Variants in MIS18A observed in about 807,000 individuals in gnomAD.
The protein encoded by MIS18A is MIS18 kinetochore protein A.
MIS18A carries 14 observed loss-of-function variants against 25.0 expected under a neutral mutation model. That is an observed-to-expected ratio of 0.56 (90% CI 0.37 to 0.88). The LOEUF is 0.88. Ranked by LOEUF, MIS18A falls within the 40% of genes least tolerant of loss-of-function variation. The pLI is 0.00. For missense variants in MIS18A, 292 were observed against 290.8 expected, an observed-to-expected ratio of 1.00 and a Z score of -0.03; for synonymous variants, 134 against 118.6, an observed-to-expected ratio of 1.13 and a Z score of -0.84.
chr21:32,230,603 AT>A, the MIS18A span, among the ~76,000 whole-genome samples: 1 of 152,174 alleles, frequency 6.6e-6, no homozygotes, highest in Non-Finnish European at 1.5e-5. Flanking sequence ...CCCTCAACTG[AT>A]TTTCAACAAG....
chr21:32,278,852 T>A lies in MIS18A; in HGVS notation c.163A>T (p.Met55Leu). The A allele has an allele frequency of 6.2e-7, 1 of 1,611,992 alleles. No individual in the cohort carries two copies. Among genetic ancestry groups the A allele is most frequent in the Non-Finnish European group, 8.5e-7 (1 of 1,179,478 alleles). ...LQKWASMWSSMSEDASVADME... is the reference protein window; with the variant it reads ...LQKWASMWSSLSEDASVADME... ...TCGGCCACCGACGCGTCTTCGCTCA[T>A]GGAGCTCCACATGCTCGCCCACTTC... Residue 55 changes from methionine (M) to leucine (L), a missense_variant, in exon 1 of 5, where the codon ATG (methionine) becomes TTG (leucine). Physicochemically the swap from Met to Leu is conservative, Grantham distance 15. Transcript: ENST00000290130.
the MIS18A span, among the ~76,000 whole-genome samples, chr21:32,157,242 G>GTTTTTTTTTT: frequency 6.5e-4 from 10 of 15,350 alleles, no homozygotes; most frequent in Admixed American, 1.6e-3. Context: ...TTTTTTTTTG[G>GTTTTTTTTTT]TAGTTTTAGT....
At chr21:32,157,106 A>T in the MIS18A span, among the ~76,000 whole-genome samples, 2 of 136,746 alleles carry the variant, frequency 1.5e-5, no homozygotes, top group Non-Finnish European at 3.1e-5. Flanking sequence ...CCCAGGCTGG[A>T]GTGCAGTGGC....
intron 1 of MIS18A, chr21:32,278,444 T>C: frequency 3.7e-6 from 2 of 545,090 alleles, no homozygotes; most frequent in South Asian, 2.6e-5. Context: ...ATGATGCTGA[T>C]TCAACCACTG....
chr21:32,196,893 G>A, the MIS18A span, among the ~76,000 whole-genome samples: 1 of 152,136 alleles, frequency 6.6e-6, no homozygotes, highest in Non-Finnish European at 1.5e-5. Flanking sequence ...CTGTTTCTCT[G>A]GGGTGCCCTA....
chr21:32,226,789 A>C, the MIS18A span, among the ~76,000 whole-genome samples: 1 of 152,146 alleles, frequency 6.6e-6, no homozygotes. Context: ...CAGAATACAT[A>C]TTTTTCTCAA....
chr21:32,237,843 C>A, the MIS18A span, among the ~76,000 whole-genome samples: 22 of 152,044 alleles, frequency 1.4e-4, no homozygotes, highest in South Asian at 4.6e-3. Context: ...AGGAACCAAC[C>A]AGAAGTAGCT....
At chr21:32,189,172 G>T in the MIS18A span, among the ~76,000 whole-genome samples, 1 of 152,230 alleles carries the variant, frequency 6.6e-6, no homozygotes, top group Non-Finnish European at 1.5e-5. Context: ...TCAGAAGGGA[G>T]ACAGGAATTG....
the MIS18A span, among the ~76,000 whole-genome samples, chr21:32,186,066 T>C: frequency 6.6e-6 from 1 of 152,106 alleles, no homozygotes; most frequent in Non-Finnish European, 1.5e-5. Flanking sequence ...CTGCTGACAA[T>C]GCACAGGCGG....
chr21:32,179,070 AGTTTT>A, the MIS18A span, among the ~76,000 whole-genome samples: 1 of 151,446 alleles, frequency 6.6e-6, no homozygotes, highest in African/African-American at 2.4e-5. Flanking sequence ...CTTGTCCCTT[AGTTTT>A]ATTTTCAATA....
the MIS18A span, among the ~76,000 whole-genome samples, chr21:32,257,472 G>A: frequency 8.5e-5 from 13 of 152,128 alleles, no homozygotes; most frequent in African/African-American, 3.1e-4. Context: ...TCTATTCTAA[G>A]CTTCTTTTGT....
the MIS18A span, among the ~76,000 whole-genome samples, chr21:32,207,968 A>G: frequency 1.7e-4 from 26 of 152,222 alleles, no homozygotes; most frequent in Non-Finnish European, 3.1e-4. Context: ...TGATGTTTGA[A>G]CAAGGCACGC....
downstream of MIS18A, among the ~76,000 whole-genome samples, chr21:32,265,785 G>T (rs1011835375): frequency 3.9e-5 from 6 of 152,278 alleles, no homozygotes; most frequent in Non-Finnish European, 7.3e-5. Context: ...GGTGAAGCCA[G>T]CTGGGCTCCT....
At chr21:32,256,409 CACTT>C in the MIS18A span, among the ~76,000 whole-genome samples, 4 of 152,198 alleles carry the variant, frequency 2.6e-5, no homozygotes, top group Non-Finnish European at 5.9e-5. Flanking sequence ...CCTCCTCTCT[CACTT>C]GAGCCTCGTG....
At chr21:32,260,807 G>C in the MIS18A span, 2 of 152,404 alleles carry the variant, frequency 1.3e-5, no homozygotes, top group African/African-American at 2.4e-5. Context: ...GAGGTCATAA[G>C]TTCGAGACCA....
chr21:32,169,965 T>C, the MIS18A span, among the ~76,000 whole-genome samples: 4 of 152,060 alleles, frequency 2.6e-5, no homozygotes, highest in Non-Finnish European at 5.9e-5. Context: ...CAAAAAAGTA[T>C]AAGATATGAA....
At chr21:32,199,136 C>A in the MIS18A span, among the ~76,000 whole-genome samples, 2 of 152,090 alleles carry the variant, frequency 1.3e-5, no homozygotes, top group South Asian at 4.1e-4. Flanking sequence ...AAAAAATTCC[C>A]AACGGGAACA....
the MIS18A span, among the ~76,000 whole-genome samples, chr21:32,207,690 T>C: frequency 1.3e-5 from 2 of 152,134 alleles, no homozygotes; most frequent in Admixed American, 1.3e-4. Flanking sequence ...TCTTTTTCTT[T>C]TTTTTTTGGG....
In MIS18A at chr21:32,268,950, TTG is replaced by T; in HGVS notation, c.*85_*86del. 1.0e-6 allele frequency: 1 copy of T among 985,956 alleles called. No individual in the cohort carries two copies. The highest frequency in any genetic ancestry group is 1.5e-6 in the Non-Finnish European group (1 of 668,896). 61.1% of individuals were successfully genotyped at this position (985,956 alleles called of 1,614,324 possible). A position where few individuals can be genotyped will look rare whatever the true frequency, so the allele number is the denominator to read the frequency against. Reference sequence around the variant, plus strand: ...GCTAATTTTTTTTTTCTTTTTTTTTTTGTAGAGACGACGTCTCACTATGTTGC... The same window carrying T: ...GCTAATTTTTTTTTTCTTTTTTTTTTTAGAGACGACGTCTCACTATGTTGC... On this transcript the variant is annotated 3_prime_UTR_variant, in exon 5 of 5. Coordinates refer to ENST00000290130, the MANE Select transcript of MIS18A (RefSeq NM_018944.3).
Sources: gnomAD v4.1 joint callset for allele counts (sites outside exome capture counted in the v4.1 genomes callset) on GRCh38, gnomAD v4.1.1 for gene constraint, MANE v1.5 for transcripts, NCBI Gene and HGNC (gene_info 2026-07-23, HGNC 2026-07-21) for gene names.